RNLS: variants seen among roughly 807,000 people sequenced by gnomAD.
RNLS encodes renalase.
RNLS carries 39 observed loss-of-function variants against 39.8 expected under a neutral mutation model. The ratio of observed to expected loss-of-function variants is 0.98; its 90% CI spans 0.76 to 1.28. The LOEUF (loss-of-function observed/expected upper bound fraction) is 1.28. Among genes scored for constraint, RNLS ranks in the 50% most tolerant of loss-of-function variants. The probability of loss-of-function intolerance (pLI) is 0.00; values close to 1 mark genes in which losing one functional copy is unlikely to be tolerated. For missense variants in RNLS, 410 were observed against 413.3 expected (o/e 0.99, Z 0.07); for synonymous variants, 147 against 150.7 (o/e 0.98, Z 0.18).
the RNLS span, among the ~76,000 whole-genome samples, chr10:88,227,327 G>A: frequency 6.6e-6 from 1 of 152,190 alleles, no homozygotes; most frequent in Admixed American, 6.5e-5. Flanking sequence ...ACAATATCAA[G>A]CTGATGAAAT....
chr10:88,338,564 T>C (rs1467186907), intron 5 of RNLS, among the ~76,000 whole-genome samples: 1 of 152,230 alleles, frequency 6.6e-6, no homozygotes, highest in Non-Finnish European at 1.5e-5. Flanking sequence ...TTTTTAAAGA[T>C]ATCTTAAGAT....
intron 6 of RNLS, among the ~76,000 whole-genome samples, chr10:88,308,923 G>A (rs1473790057): frequency 1.3e-5 from 2 of 152,174 alleles, no homozygotes; most frequent in Non-Finnish European, 2.9e-5. Context: ...TCTACACCAT[G>A]GAACACTATG....
chr10:88,356,250 G>A (rs536234226), intron 5 of RNLS, among the ~76,000 whole-genome samples: 4 of 152,270 alleles, frequency 2.6e-5, no homozygotes, highest in African/African-American at 9.6e-5. Context: ...ACAAGCCCCA[G>A]TGAGATGAAC....
At chr10:88,229,025 C>G in the RNLS span, among the ~76,000 whole-genome samples, 1 of 152,196 alleles carries the variant, frequency 6.6e-6, no homozygotes, top group Admixed American at 6.5e-5. Flanking sequence ...ATCAATCCAT[C>G]AATCCACCCA....
Position 88,571,182 on chromosome 10 carries a change from A to G in RNLS, c.526+1721T>C, listed in dbSNP as rs148186962. On this transcript the variant is annotated intron_variant, in intron 4 of 6. Coordinates refer to ENST00000331772, the MANE Select transcript of RNLS (RefSeq NM_001031709.3). ...TTTTTTGTAGAGATGAGGTCTTGCTATATTTCCCAGGCTGACCTCGAACAC... is the reference window on the plus strand; with the variant it reads ...TTTTTTGTAGAGATGAGGTCTTGCTGTATTTCCCAGGCTGACCTCGAACAC... 3.4e-3 allele frequency among the ~76,000 whole-genome samples: 521 copies of G among 151,876 alleles called. 2 individuals carry two copies. Among genetic ancestry groups the G allele is most frequent in the African/African-American group, 0.012 (501 of 41,422 alleles).
the RNLS span, chr10:88,258,996 A>G: frequency 1.3e-5 from 2 of 152,250 alleles, no homozygotes; most frequent in African/African-American, 2.4e-5. Context: ...TTTCCCTCAC[A>G]TTCACTTTGT....
At chr10:88,347,232 CATT>C (rs1165168556) in intron 5 of RNLS, among the ~76,000 whole-genome samples, 1 of 152,142 alleles carries the variant, frequency 6.6e-6, no homozygotes, top group Non-Finnish European at 1.5e-5. Context: ...GAGCAGCTCA[CATT>C]ATTTTGAGCC....
intron 4 of RNLS, among the ~76,000 whole-genome samples, chr10:88,560,692 T>TGGGGACTA (rs1849126161): frequency 6.6e-6 from 1 of 151,876 alleles, no homozygotes; most frequent in Non-Finnish European, 1.5e-5. Flanking sequence ...GTTGAACCCA[T>TGGGGACTA]GGGGACTAGG....
At chr10:88,353,563 G>C (rs1205872240) in intron 5 of RNLS, among the ~76,000 whole-genome samples, 1 of 152,198 alleles carries the variant, frequency 6.6e-6, no homozygotes, top group Non-Finnish European at 1.5e-5. Flanking sequence ...TGATTGCACT[G>C]TCGTCTCAGA....
chr10:88,564,146 C>T (rs942150233), intron 4 of RNLS, among the ~76,000 whole-genome samples: 1 of 151,962 alleles, frequency 6.6e-6, no homozygotes, highest in Non-Finnish European at 1.5e-5. Flanking sequence ...TAGAGTTTGC[C>T]TTCTTGAGAT....
chr10:88,431,488 C>A (rs1360854761), intron 4 of RNLS, among the ~76,000 whole-genome samples: 2 of 151,548 alleles, frequency 1.3e-5, no homozygotes, highest in African/African-American at 4.8e-5. Flanking sequence ...CCACTTTAAG[C>A]TATATCATTT....
intron 4 of RNLS, among the ~76,000 whole-genome samples, chr10:88,394,657 C>G (rs1348144598): frequency 6.6e-6 from 1 of 151,686 alleles, no homozygotes; most frequent in Admixed American, 6.6e-5. Context: ...GGATCTAGAA[C>G]TAGAAATACC....
At chr10:88,403,373 G>A (rs1212172555) in intron 4 of RNLS, among the ~76,000 whole-genome samples, 2 of 151,858 alleles carry the variant, frequency 1.3e-5, no homozygotes, top group Non-Finnish European at 2.9e-5. Flanking sequence ...TGGTGTACAT[G>A]GTAAATAGAA....
the RNLS span, among the ~76,000 whole-genome samples, chr10:88,203,139 A>G: frequency 6.6e-6 from 1 of 151,078 alleles, no homozygotes; most frequent in Non-Finnish European, 1.5e-5. Flanking sequence ...CCACCTGTGT[A>G]AATGATGGGA....
intron 4 of RNLS, 79 bp downstream of exon 4, chr10:88,572,824 A>G: frequency 6.8e-7 from 1 of 1,461,374 alleles, no homozygotes; most frequent in Non-Finnish European, 9.4e-7. Context: ...GTCCTTTGCG[A>G]AGAGAGTTAA....
the RNLS span, among the ~76,000 whole-genome samples, chr10:88,187,180 T>TATATATAATATATATAATATATATATA: frequency 1.2e-4 from 1 of 8,574 alleles, no homozygotes; most frequent in Admixed American, 9.8e-4. Context: ...ATATATATAA[T>TATATATAATATATATAATATATATATA]ATATATAATA....
intron 4 of RNLS, among the ~76,000 whole-genome samples, chr10:88,523,099 C>G (rs1038295754): frequency 2.0e-5 from 3 of 152,074 alleles, no homozygotes; most frequent in Non-Finnish European, 2.9e-5. Flanking sequence ...AAAAAAAACC[C>G]TTTTCTATCT....
At chr10:88,546,631 T>C (rs1820168755) in intron 4 of RNLS, among the ~76,000 whole-genome samples, 1 of 152,098 alleles carries the variant, frequency 6.6e-6, no homozygotes, top group Non-Finnish European at 1.5e-5. Context: ...ATAATGACAA[T>C]GGTAAAATCT....
intron 4 of RNLS, among the ~76,000 whole-genome samples, chr10:88,386,654 C>T (rs1255524300): frequency 6.6e-6 from 1 of 152,152 alleles, no homozygotes. Flanking sequence ...CTCTTGGGTC[C>T]TCTGAAAAGG....
Sources: allele counts gnomAD v4.1 joint callset (sites outside exome capture counted in the v4.1 genomes callset), GRCh38; gene constraint gnomAD v4.1.1; transcripts MANE v1.5; gene names NCBI Gene and HGNC (gene_info 2026-07-23, HGNC 2026-07-21).